The following FSHR variants were observed in gnomAD, a reference collection of about 807,000 sequenced individuals.
FSHR encodes the protein follicle-stimulating hormone receptor.
Under a neutral mutation model 52.1 loss-of-function variants are expected in FSHR, and 46 were observed. The observed-to-expected ratio is 0.88, with a 90% CI of 0.70 to 1.13. The LOEUF is 1.13. Among genes scored for constraint, FSHR ranks in the 50% most tolerant of loss-of-function variants. The pLI, the probability that FSHR is intolerant of heterozygous loss-of-function variation, is 0.00. For missense variants in FSHR, 964 were observed against 834.6 expected (o/e 1.16, Z -1.91); for synonymous variants, 399 against 309.6 (o/e 1.29, Z -3.03).
intron 2 of FSHR, among the ~76,000 whole-genome samples, chr2:49,050,749 A>C (rs1013092251): frequency 6.6e-6 from 1 of 152,200 alleles, no homozygotes; most frequent in African/African-American, 2.4e-5. Context: ...GCTGATTTTA[A>C]AAATCAACTT....
chr2:49,086,585 T>G (rs1204115998), intron 1 of FSHR, among the ~76,000 whole-genome samples: 1 of 152,232 alleles, frequency 6.6e-6, no homozygotes, highest in Non-Finnish European at 1.5e-5. Flanking sequence ...TATAAATGCC[T>G]GAGCCTCTCT....
intron 2 of FSHR, among the ~76,000 whole-genome samples, chr2:49,020,687 A>T (rs1667661018): frequency 6.6e-6 from 1 of 152,164 alleles, no homozygotes; most frequent in Admixed American, 6.6e-5. Context: ...GTCAGGCTGG[A>T]TTTGATCCAT....
intron 1 of FSHR, among the ~76,000 whole-genome samples, chr2:49,075,606 G>C (rs1427150070): frequency 6.6e-6 from 1 of 151,994 alleles, no homozygotes; most frequent in Non-Finnish European, 1.5e-5. Context: ...ATTTAAATTA[G>C]AGAACTCTAC....
intron 1 of FSHR, among the ~76,000 whole-genome samples, chr2:49,126,085 A>G (rs959999851): frequency 6.6e-6 from 1 of 152,238 alleles, no homozygotes; most frequent in Non-Finnish European, 1.5e-5. Flanking sequence ...ATGACAAAGC[A>G]GTAAAGGATC....
intron 1 of FSHR, among the ~76,000 whole-genome samples, chr2:49,144,301 G>A (rs1364194280): frequency 1.3e-5 from 2 of 152,142 alleles, no homozygotes; most frequent in Non-Finnish European, 1.5e-5. Context: ...TGCGGCTATT[G>A]TTGCTCTTCT....
At chr2:49,049,188 GA>G (rs35052191) in intron 2 of FSHR, among the ~76,000 whole-genome samples, 42,122 of 148,340 alleles carry the variant, frequency 0.28, 6,696 homozygotes, top group Non-Finnish European at 0.36. Context: ...CAGCAAGGAG[GA>G]AAAAAAAAAG....
At chr2:49,092,269 G>A (rs1670641364) in intron 1 of FSHR, among the ~76,000 whole-genome samples, 1 of 152,096 alleles carries the variant, frequency 6.6e-6, no homozygotes, top group Admixed American at 6.5e-5. Context: ...CGTTTTTTTG[G>A]AGACCCATTG....
At chr2:49,039,841 G>T (rs1171347920) in intron 2 of FSHR, among the ~76,000 whole-genome samples, 1 of 152,106 alleles carries the variant, frequency 6.6e-6, no homozygotes, top group Non-Finnish European at 1.5e-5. Flanking sequence ...GTTGTGGAAA[G>T]CTGTTCATCA....
chr2:49,057,615 T>C (rs1334461716), intron 2 of FSHR, among the ~76,000 whole-genome samples: 1 of 152,156 alleles, frequency 6.6e-6, no homozygotes, highest in Non-Finnish European at 1.5e-5. Context: ...AAATAATTAA[T>C]ACCAATTCTT....
intron 1 of FSHR, among the ~76,000 whole-genome samples, chr2:49,092,968 G>A (rs1243697062): frequency 1.3e-5 from 2 of 152,044 alleles, no homozygotes; most frequent in Admixed American, 6.6e-5. Context: ...ACCCAGCTTT[G>A]GTTTTGAATT....
At chr2:49,003,110 T>G (rs1352337844) in intron 4 of FSHR, among the ~76,000 whole-genome samples, 1 of 152,164 alleles carries the variant, frequency 6.6e-6, no homozygotes, top group Non-Finnish European at 1.5e-5. Flanking sequence ...GAGCTCGTGA[T>G]TAAACCACAG....
intron 1 of FSHR, among the ~76,000 whole-genome samples, chr2:49,127,799 C>G (rs922552765): frequency 3.1e-4 from 17 of 55,386 alleles, no homozygotes; most frequent in Admixed American, 5.8e-4. Flanking sequence ...TCTTCTTCTT[C>G]TTCTTCTTCT....
At chr2:49,131,799 C>A (rs1672289649) in intron 1 of FSHR, among the ~76,000 whole-genome samples, 1 of 152,164 alleles carries the variant, frequency 6.6e-6, no homozygotes, top group Admixed American at 6.6e-5. Context: ...ACTAGTTCTC[C>A]AGAAGTTCTT....
At chr2:48,971,851 C>T (rs919553242) in intron 8 of FSHR, among the ~76,000 whole-genome samples, 1 of 152,150 alleles carries the variant, frequency 6.6e-6, no homozygotes, top group Non-Finnish European at 1.5e-5. Context: ...TCTCCTAGCT[C>T]GCTGAAAGTT....
chr2:49,085,653 A>G (rs1670354388), intron 1 of FSHR, among the ~76,000 whole-genome samples: 1 of 152,172 alleles, frequency 6.6e-6, no homozygotes, highest in South Asian at 2.1e-4. Flanking sequence ...TGCTATAAAG[A>G]CACATGCACA....
intron 1 of FSHR, among the ~76,000 whole-genome samples, chr2:49,071,447 G>A (rs13007274): frequency 0.24 from 36,770 of 151,972 alleles, 4,571 homozygotes; most frequent in East Asian, 0.34. Context: ...CAAATGTGAG[G>A]ATAAAATAAA....
Position 48,963,865 on chromosome 2 carries a change from T to C in FSHR, c.956A>G (p.Glu319Gly), listed in dbSNP as rs147685926. ...GTCAAATCCTCTGCTGTAGCTGGAC[T>C]CATTGTCTTCTGCCAGAGAGGATCT... ...GQRSSLAEDN[E>G]SSYSRGFDMT... The change falls in exon 10 of 10, where the codon GAG becomes GGG. Residue 319 changes from glutamate (E) to glycine (G), a missense_variant. Transcript: ENST00000406846. 1.3e-4 allele frequency: 216 copies of C among 1,614,064 alleles called. 1 individual carries two copies. Among genetic ancestry groups the C allele is most frequent in the Non-Finnish European group, 1.7e-4 (205 of 1,180,024 alleles).
intron 8 of FSHR, among the ~76,000 whole-genome samples, chr2:48,978,986 G>C (rs948666669): frequency 1.3e-5 from 2 of 152,174 alleles, no homozygotes; most frequent in African/African-American, 4.8e-5. Flanking sequence ...CATTTGGCTT[G>C]TGGAGGAGAT....
chr2:49,063,964 A>C (rs571651540), intron 2 of FSHR, among the ~76,000 whole-genome samples: 1 of 152,262 alleles, frequency 6.6e-6, no homozygotes, highest in East Asian at 1.9e-4. Flanking sequence ...TATGTGTTAC[A>C]ATTATTATAA....
Sources: allele counts gnomAD v4.1 joint callset (sites outside exome capture counted in the v4.1 genomes callset), GRCh38; gene constraint gnomAD v4.1.1; transcripts MANE v1.5; gene names NCBI Gene and HGNC (gene_info 2026-07-23, HGNC 2026-07-21).